Variants in ITGB6 observed in about 807,000 individuals in gnomAD.
ITGB6 encodes the protein integrin beta-6.
A neutral mutation model predicts 84.5 loss-of-function variants in ITGB6; 80 were observed. The observed-to-expected ratio is 0.95, with a 90% CI of 0.79 to 1.14. ITGB6 has a LOEUF of 1.14. Among genes scored for constraint, ITGB6 ranks in the 50% most tolerant of loss-of-function variants. ITGB6 has a pLI of 0.00. For synonymous variants in ITGB6, 383 were observed against 354.9 expected, an observed-to-expected ratio of 1.08 and a Z score of -0.89; for missense variants, 1,006 against 968.0, an observed-to-expected ratio of 1.04 and a Z score of -0.52.
intron 7 of ITGB6, among the ~76,000 whole-genome samples, chr2:160,168,021 C>T (rs1685067794): frequency 6.6e-6 from 1 of 152,116 alleles, no homozygotes; most frequent in South Asian, 2.1e-4. Flanking sequence ...CTACTTAAAA[C>T]CACTGGAAAC....
chr2:160,144,414 A>C (rs1434620441), intron 7 of ITGB6, among the ~76,000 whole-genome samples: 3 of 152,228 alleles, frequency 2.0e-5, no homozygotes, highest in Non-Finnish European at 4.4e-5. Context: ...TACCTTTTCA[A>C]ATAAACATAT....
chr2:160,196,540 G>T (rs916605428), intron 2 of ITGB6, 120 bp from the exon 3 acceptor site: 4 of 763,798 alleles, frequency 5.2e-6, no homozygotes, highest in African/African-American at 1.8e-5. Flanking sequence ...TTGCCATATT[G>T]TATCCCTACA....
intron 7 of ITGB6, among the ~76,000 whole-genome samples, chr2:160,163,309 G>C (rs1264846079): frequency 2.6e-5 from 4 of 152,188 alleles, no homozygotes; most frequent in Admixed American, 2.0e-4. Flanking sequence ...AGGCAGCTCT[G>C]CTCTACCCTT....
chr2:160,125,854 G>T (rs1683216687), intron 11 of ITGB6, among the ~76,000 whole-genome samples: 1 of 152,110 alleles, frequency 6.6e-6, no homozygotes, highest in African/African-American at 2.4e-5. Flanking sequence ...ACCAAAGAAA[G>T]GCGCCAAAGA....
At chr2:160,154,690 A>G (rs556857634) in intron 7 of ITGB6, among the ~76,000 whole-genome samples, 7 of 152,176 alleles carry the variant, frequency 4.6e-5, no homozygotes, top group African/African-American at 1.4e-4. Flanking sequence ...GTCCTTTAGT[A>G]GGTGAATAGT....
At position 160,100,266 on chromosome 2, in the gene ITGB6, A is replaced by G. The variant is rs1696664555; in HGVS notation, c.*1470T>C. On this transcript the variant is annotated 3_prime_UTR_variant, in exon 15 of 15. Transcript: ENST00000283249. ...GCCTCCACTACATAATGAACTATTC[A>G]CCTAGTAAAAGCTTCACATTACAAT... is the stretch of plus-strand genomic sequence containing the variant. 1 of 152,250 alleles carries G rather than the reference A, an allele frequency of 6.6e-6. No homozygotes were observed. The highest frequency in any genetic ancestry group is 1.5e-5 in the Non-Finnish European group (1 of 68,050). The allele number at this position is 152,250 out of a possible 1,614,324, so 9.4% of individuals were successfully genotyped here. A position where few individuals can be genotyped will look rare whatever the true frequency, so the allele number is the denominator to read the frequency against.
chr2:160,139,660 T>C (rs553689598), intron 8 of ITGB6, among the ~76,000 whole-genome samples: 1 of 152,322 alleles, frequency 6.6e-6, no homozygotes, highest in South Asian at 2.1e-4. Flanking sequence ...ATTGCAAATT[T>C]GACCAGGAAT....
chr2:160,195,616 C>G lies in ITGB6; in HGVS notation c.347-1G>C. The G allele has an allele frequency of 6.2e-7, 1 of 1,613,734 alleles. No homozygotes were observed. Among genetic ancestry groups the G allele is most frequent in the South Asian group, 1.1e-5 (1 of 91,060 alleles). On this transcript the variant is annotated splice_acceptor_variant, in intron 3 of 14. Coordinates refer to ENST00000283249, the MANE Select transcript of ITGB6 (RefSeq NM_000888.5). LOFTEE classifies it high-confidence loss of function. ...TGCACCTGCAGAGTCTGCGCACCAC[C>G]TGCAAAGCCCAACAGGAAAAGCAAA...
intron 7 of ITGB6, among the ~76,000 whole-genome samples, chr2:160,164,887 T>C (rs967546918): frequency 1.3e-5 from 2 of 152,248 alleles, no homozygotes; most frequent in South Asian, 4.2e-4. Context: ...ATGGTTAGGA[T>C]TGGAAAATAC....
intron 12 of ITGB6, among the ~76,000 whole-genome samples, chr2:160,113,048 G>C (rs1369904588): frequency 6.6e-6 from 1 of 152,174 alleles, no homozygotes; most frequent in Non-Finnish European, 1.5e-5. Flanking sequence ...TTTTAAGTTG[G>C]AGACTTTTCA....
intron 4 of ITGB6, among the ~76,000 whole-genome samples, chr2:160,186,728 A>G (rs965854342): frequency 2.7e-4 from 41 of 152,360 alleles, no homozygotes; most frequent in African/African-American, 9.4e-4. Context: ...ATGTCCATCA[A>G]TGATAGACTG....
intron 7 of ITGB6, among the ~76,000 whole-genome samples, chr2:160,147,233 T>C (rs1454367996): frequency 1.3e-5 from 2 of 152,138 alleles, no homozygotes; most frequent in Non-Finnish European, 2.9e-5. Context: ...TTCCCTTGTA[T>C]TGCCTCCCAG....
rs547080186 is a variant in ITGB6, at chr2:160,141,710, C to T, written c.1107+272G>A. 7.0e-4 allele frequency among the ~76,000 whole-genome samples: 107 copies of T among 152,094 alleles called. 1 individual carries two copies. Among genetic ancestry groups the T allele is most frequent in the African/African-American group, 2.4e-3 (98 of 41,498 alleles). On this transcript the variant is annotated intron_variant, in intron 8 of 14. Coordinates refer to ENST00000283249, the MANE Select transcript of ITGB6 (RefSeq NM_000888.5). ...GACTCGTGGAGCCTTTAAAATTTTG[C>T]GGCAACAATGTTACTGTTGCTTATT...
intron 12 of ITGB6, among the ~76,000 whole-genome samples, chr2:160,119,532 C>T (rs1018973763): frequency 6.6e-6 from 1 of 151,958 alleles, no homozygotes. Flanking sequence ...GGATTAAAGA[C>T]TTACATGTTA....
chr2:160,131,191 T>C (rs758483233), intron 10 of ITGB6, among the ~76,000 whole-genome samples: 20 of 86,162 alleles, frequency 2.3e-4, no homozygotes, highest in Non-Finnish European at 4.7e-4. Flanking sequence ...TGGAATGCCA[T>C]TGACAATAAC....
intron 2 of ITGB6, among the ~76,000 whole-genome samples, chr2:160,198,856 G>A (rs918979550): frequency 6.6e-6 from 1 of 152,134 alleles, no homozygotes; most frequent in African/African-American, 2.4e-5. Context: ...CATGAACTCT[G>A]ATTATCCAGA....
rs552057210 is a variant in ITGB6, at chr2:160,146,796, G to GA, written c.1018-4726dup. On this transcript the variant is annotated intron_variant, in intron 7 of 14. Coordinates refer to ENST00000283249, the MANE Select transcript of ITGB6 (RefSeq NM_000888.5). ...GTAAACAAGCAAATACCATCACCCA[G>GA]AAAAATCAAGAAATAGAATATAAGG... is the stretch of plus-strand genomic sequence containing the variant. Among the ~76,000 whole-genome samples the GA allele has an allele frequency of 2.3e-3, 346 of 152,090 alleles. 1 individual carries two copies. Among genetic ancestry groups the GA allele is most frequent in the African/African-American group, 7.8e-3 (323 of 41,486 alleles).
intron 4 of ITGB6, among the ~76,000 whole-genome samples, chr2:160,186,677 G>A (rs937946807): frequency 2.0e-5 from 3 of 152,144 alleles, no homozygotes; most frequent in African/African-American, 7.2e-5. Context: ...TATGTTTACT[G>A]TGGCACTGTT....
chr2:160,141,918 A>G (rs1236268507), intron 8 of ITGB6, 64 bp downstream of exon 8: 2 of 1,042,482 alleles, frequency 1.9e-6, no homozygotes, highest in African/African-American at 3.3e-5. Flanking sequence ...AACTGCCTAA[A>G]TCACATCTTA....
Sources: allele counts gnomAD v4.1 joint callset (sites outside exome capture counted in the v4.1 genomes callset), GRCh38; gene constraint gnomAD v4.1.1; transcripts MANE v1.5; gene names NCBI Gene and HGNC (gene_info 2026-07-23, HGNC 2026-07-21).